HLCS: variants seen among roughly 807,000 people sequenced by gnomAD.
HLCS encodes the protein holocarboxylase synthetase.
HLCS carries 53 observed loss-of-function variants against 75.0 expected under a neutral mutation model. That is an observed-to-expected ratio of 0.71 (90% CI 0.57 to 0.89). The LOEUF is 0.89. HLCS is among the 40% of genes least tolerant of loss of function. The probability of loss-of-function intolerance (pLI) is 0.00; values close to 1 mark genes in which losing one functional copy is unlikely to be tolerated. For synonymous variants in HLCS, 431 were observed against 428.6 expected (o/e 1.01, Z -0.07); for missense variants, 966 against 1,074.0 (o/e 0.90, Z 1.41).
At chr21:36,856,504 C>T (rs1223540914) in intron 6 of HLCS, among the ~76,000 whole-genome samples, 2 of 152,120 alleles carry the variant, frequency 1.3e-5, no homozygotes, top group Non-Finnish European at 2.9e-5. Context: ...CAAATAAATA[C>T]CACGGCTTCT....
rs61732502 is a variant in HLCS at position 36,937,159 on chromosome 21, C to T, written c.727G>A (p.Val243Ile). The change falls in exon 4 of 11, where the codon GTT becomes ATT. Residue 243 changes from valine (V) to isoleucine (I), a missense_variant. Coordinates refer to ENST00000674895, the MANE Select transcript of HLCS (RefSeq NM_001352514.2). ...AGDSDRGGGP[V>I]EHYHLHLSSC... ...GACAGATGGAGGTGATAATGCTCAA[C>T]GGGGCCCCCTCCCCTGTCACTGTCC... The T allele has an allele frequency of 0.014, 23,111 of 1,614,104 alleles. 664 individuals are homozygous for T. Among genetic ancestry groups the T allele is most frequent in the African/African-American group, 0.11 (8,342 of 74,992 alleles).
intron 1 of HLCS, among the ~76,000 whole-genome samples, chr21:36,988,519 G>A (rs1430629394): frequency 4.6e-5 from 7 of 152,164 alleles, no homozygotes; most frequent in African/African-American, 1.7e-4. Context: ...GAGTGACCTT[G>A]TACATATATA....
chr21:36,914,170 C>T (rs186339382), intron 5 of HLCS, among the ~76,000 whole-genome samples: 1 of 152,326 alleles, frequency 6.6e-6, no homozygotes, highest in East Asian at 1.9e-4. Flanking sequence ...GATGGGCCGA[C>T]AGGTGAACGG....
intron 1 of HLCS, chr21:36,972,101 A>C (rs1385823721): frequency 6.6e-6 from 1 of 152,166 alleles, no homozygotes; most frequent in African/African-American, 2.4e-5. Flanking sequence ...AGCTCATCGC[A>C]TCTGGTTTAA....
chr21:36,757,066 T>C, intron 9 of HLCS: 1 of 481,176 alleles, frequency 2.1e-6, no homozygotes, highest in Non-Finnish European at 2.7e-6. Context: ...ACAAAACGTA[T>C]CAGTGTTGCC....
chr21:36,947,793 G>C, intron 2 of HLCS: 4 of 985,468 alleles, frequency 4.1e-6, no homozygotes, highest in Non-Finnish European at 4.8e-6. Context: ...GCCCAACAGG[G>C]GGCATTGGCA....
Position 36,936,657 on chromosome 21 carries a change from A to G in HLCS, c.1229T>C (p.Leu410Pro). The G allele has an allele frequency of 1.9e-6, 3 of 1,614,210 alleles. No homozygotes were observed. Among genetic ancestry groups the G allele is most frequent in the South Asian group, 2.2e-5 (2 of 91,088 alleles). ...GGFQVTSKGA[L>P]HKTVQNLVFS... ...AACCAAGTTCTGGACTGTCTTGTGC[A>G]GTGCACCCTTGCTTGTCACCTGAAA... Residue 410 changes from leucine to proline, a missense_variant, in exon 4 of 11, where the codon CTG (leucine) becomes CCG (proline). Coordinates refer to ENST00000674895, the MANE Select transcript of HLCS (RefSeq NM_001352514.2).
chr21:36,923,099 G>A (rs1224515492), intron 5 of HLCS, among the ~76,000 whole-genome samples: 1 of 152,214 alleles, frequency 6.6e-6, no homozygotes, highest in Non-Finnish European at 1.5e-5. Context: ...CCTGACCACA[G>A]GAGCCCTTTG....
chr21:36,914,508 C>T (rs112668822), intron 5 of HLCS, among the ~76,000 whole-genome samples: 6 of 152,306 alleles, frequency 3.9e-5, no homozygotes, highest in South Asian at 2.1e-4. Flanking sequence ...CAGGCTCAGA[C>T]GCTGAAAGGC....
At chr21:36,847,588 A>G (rs1241453017) in intron 6 of HLCS, among the ~76,000 whole-genome samples, 1 of 152,258 alleles carries the variant, frequency 6.6e-6, no homozygotes, top group Admixed American at 6.5e-5. Flanking sequence ...AAAGTTGCAT[A>G]TGATAAACTG....
intron 2 of HLCS, among the ~76,000 whole-genome samples, chr21:36,939,362 TTCAATGTA>T (rs1167592433): frequency 6.6e-6 from 1 of 152,160 alleles, no homozygotes; most frequent in African/African-American, 2.4e-5. Flanking sequence ...CCCAGTTACT[TTCAATGTA>T]ACCTGTGGAC....
At chr21:36,899,433 G>A (rs1601675030) in intron 5 of HLCS, among the ~76,000 whole-genome samples, 1 of 152,068 alleles carries the variant, frequency 6.6e-6, no homozygotes, top group East Asian at 1.9e-4. Flanking sequence ...AGACTAACCT[G>A]GGCAACATGG....
rs554302102 is a variant in HLCS at position 36,906,362 on chromosome 21, TAA to T, written c.1621-9233_1621-9232del. Among the ~76,000 whole-genome samples, 628 of 151,652 alleles carry T rather than the reference TAA, an allele frequency of 4.1e-3. 5 individuals carry two copies. The highest frequency in any genetic ancestry group is 0.014 in the African/African-American group (577 of 41,374). On this transcript the variant is annotated intron_variant, in intron 5 of 10. Transcript: ENST00000674895. ...GGGCAACATGGAAAGACCTCATGTC[TAA>T]AAAAAAGAGTTTTTCTTTAATTAGC...
intron 6 of HLCS, among the ~76,000 whole-genome samples, chr21:36,816,054 G>A (rs896457800): frequency 6.6e-6 from 1 of 152,032 alleles, no homozygotes; most frequent in Non-Finnish European, 1.5e-5. Context: ...TTTAACTCAG[G>A]GGACTCTAAA....
In HLCS at chr21:36,936,584, A is replaced by G. The variant is rs2146524204; in HGVS notation, c.1302T>C (p.Ser434=). The change falls in exon 4 of 11, where the codon AGT becomes AGC. Residue 434 remains serine, a synonymous_variant. Coordinates refer to ENST00000674895, the MANE Select transcript of HLCS (RefSeq NM_001352514.2). The part of the protein sequence containing the change: ...QSEVKLSVLS[S]GCRYQEGPVR... ...CGGGGCCTTCCTGGTACCTGCAGCC[A>G]CTGCTCAAGACGCTGAGCTTCACCT... is the stretch of plus-strand genomic sequence containing the variant. The G allele has an allele frequency of 6.2e-7, 1 of 1,614,088 alleles. No individual in the cohort carries two copies. The highest frequency in any genetic ancestry group is 1.6e-4 in the Middle Eastern group (1 of 6,084).
chr21:36,795,176 A>G (rs1472685650), intron 6 of HLCS, among the ~76,000 whole-genome samples: 1 of 152,150 alleles, frequency 6.6e-6, no homozygotes, highest in Non-Finnish European at 1.5e-5. Flanking sequence ...GAATTCAGAA[A>G]CTCATATCCC....
At chr21:36,771,924 A>G (rs867333235) in intron 6 of HLCS, among the ~76,000 whole-genome samples, 29 of 151,428 alleles carry the variant, frequency 1.9e-4, no homozygotes, top group African/African-American at 7.0e-4. Context: ...ACTTGAACCC[A>G]GGGGGCGGAG....
upstream of HLCS, among the ~76,000 whole-genome samples, chr21:36,970,759 A>T (rs1196113675): frequency 6.6e-6 from 1 of 152,102 alleles, no homozygotes; most frequent in Non-Finnish European, 1.5e-5. Flanking sequence ...TTGGGAGGCC[A>T]AGATGGGCAG....
intron 6 of HLCS, among the ~76,000 whole-genome samples, chr21:36,856,080 G>C (rs898878320): frequency 6.6e-6 from 1 of 152,132 alleles, no homozygotes; most frequent in Admixed American, 6.5e-5. Context: ...GCAGGGGGAA[G>C]GGGAGTGACT....
Sources: allele counts gnomAD v4.1 joint callset (sites outside exome capture counted in the v4.1 genomes callset), GRCh38; gene constraint gnomAD v4.1.1; transcripts MANE v1.5; gene names NCBI Gene and HGNC (gene_info 2026-07-23, HGNC 2026-07-21).